Variants in SNED1 observed in about 807,000 individuals in gnomAD.
SNED1 encodes the protein sushi, nidogen and EGF-like domain-containing protein 1.
SNED1 carries 81 observed loss-of-function variants against 166.7 expected under a neutral mutation model. The observed-to-expected ratio is 0.49, with a 90% CI of 0.41 to 0.58. SNED1 has a LOEUF of 0.58. Among genes scored for constraint, SNED1 ranks in the 20% least tolerant of loss-of-function variants. The probability of loss-of-function intolerance (pLI) is 0.00; values close to 1 mark genes in which losing one functional copy is unlikely to be tolerated. For missense variants in SNED1, 1,604 were observed against 2,000.2 expected (o/e 0.80, Z 3.78); for synonymous variants, 762 against 822.0 (o/e 0.93, Z 1.25).
At chr2:241,037,832 G>A (rs1180218225) in intron 6 of SNED1, among the ~76,000 whole-genome samples, 2 of 152,228 alleles carry the variant, frequency 1.3e-5, no homozygotes, top group Admixed American at 1.3e-4. Context: ...GCTGCTCCTG[G>A]ACGCTGTTTC....
intron 2 of SNED1, 196 bp from the exon 3 acceptor site, chr2:241,033,539 G>A: frequency 1.7e-6 from 1 of 590,782 alleles, no homozygotes; most frequent in Non-Finnish European, 2.9e-6. Flanking sequence ...CCTCTGCTGA[G>A]TGGCAGGCGC....
At chr2:241,074,486 C>T (rs1203438021) in intron 27 of SNED1, 1 of 152,272 alleles carries the variant, frequency 6.6e-6, no homozygotes, top group East Asian at 1.9e-4. Flanking sequence ...ATTATGTCAG[C>T]CCCTTTAAAT....
At chr2:241,082,090 C>G (rs1184242214) in intron 28 of SNED1, among the ~76,000 whole-genome samples, 187 bp from the exon 29 acceptor site, 1 of 152,182 alleles carries the variant, frequency 6.6e-6, no homozygotes, top group Non-Finnish European at 1.5e-5. Context: ...TCTCCACCCC[C>G]ACAATACCAA....
intron 16 of SNED1, among the ~76,000 whole-genome samples, chr2:241,061,751 G>C (rs2062237567): frequency 1.3e-5 from 2 of 151,926 alleles, no homozygotes; most frequent in Non-Finnish European, 2.9e-5. Context: ...CGGGCATGGT[G>C]GTGGGCGCCT....
At chr2:241,004,723 T>G (rs2060172397) in intron 1 of SNED1, among the ~76,000 whole-genome samples, 1 of 149,490 alleles carries the variant, frequency 6.7e-6, no homozygotes, top group Non-Finnish European at 1.5e-5. Context: ...CTGTTAACTT[T>G]TTGTTTGTTT....
chr2:241,012,237 C>T (rs1051283648), intron 1 of SNED1, among the ~76,000 whole-genome samples: 56 of 152,346 alleles, frequency 3.7e-4, no homozygotes, highest in African/African-American at 1.3e-3. Flanking sequence ...AGATGCTTCT[C>T]CCCCAACCCA....
chr2:241,000,397 T>C (rs2060043606), intron 1 of SNED1, among the ~76,000 whole-genome samples: 2 of 152,274 alleles, frequency 1.3e-5, no homozygotes, highest in South Asian at 4.1e-4. Flanking sequence ...TGAAAGTCCC[T>C]CTGGACCGGG....
rs1321643275 is a variant in SNED1, at chr2:241,040,168, C to A, written c.1139C>A (p.Thr380Asn). Residue 380 changes from threonine (T) to asparagine (N), a missense_variant, in exon 7 of 32, where the codon ACC (threonine) becomes AAC (asparagine). This residue lies in a region of SNED1 where 1,237 missense variants were observed against 1,620.8 expected (regional missense o/e 0.76). Coordinates refer to ENST00000310397, the MANE Select transcript of SNED1 (RefSeq NM_001080437.3). ...GTGTGTGTGTGCCAGGCCGGATACA[C>A]CGGAGCAGCCTGCGAGATGGGTGAG... ...SAVCVCQAGYTGAACEMDVDD... is the reference protein window; with the variant it reads ...SAVCVCQAGYNGAACEMDVDD... 1 of 1,599,208 alleles carries A rather than the reference C, an allele frequency of 6.3e-7. No homozygotes were observed.
rs1465380206 is a variant in SNED1 at position 240,998,639 on chromosome 2, C to T, written c.-199C>T. On this transcript the variant is annotated 5_prime_UTR_variant, in exon 1 of 32. Coordinates refer to ENST00000310397, the MANE Select transcript of SNED1 (RefSeq NM_001080437.3). The stretch of plus-strand genomic sequence containing the variant: ...GGCTGGCCCCGAACGCGGTCCCGCC[C>T]GGCGCTTTCCTCTGCGGAGCTGCGG... Among the ~76,000 whole-genome samples, 1 of 151,550 alleles carries T rather than the reference C, an allele frequency of 6.6e-6. No homozygotes were observed. Among genetic ancestry groups the T allele is most frequent in the Non-Finnish European group, 1.5e-5 (1 of 67,856 alleles).
rs75234658 is a variant in SNED1, at chr2:241,004,485, T to G, written c.213+5435T>G. Among the ~76,000 whole-genome samples the G allele has an allele frequency of 0.031, 4,781 of 152,276 alleles. 506 individuals carry two copies. The East Asian group carries it at 0.32, about 10-fold the overall frequency. On this transcript the variant is annotated intron_variant, in intron 1 of 31. Transcript: ENST00000310397. ...CTTCTTTTGGATTTTTAAAAATAAT[T>G]TCATATTATCTATACTATTGGCTTA...
intron 27 of SNED1, among the ~76,000 whole-genome samples, chr2:241,077,986 GA>G (rs2063108780): frequency 6.6e-6 from 1 of 152,092 alleles, no homozygotes; most frequent in Admixed American, 6.6e-5. Flanking sequence ...ATATACCCAA[GA>G]GAAATGAAAA....
chr2:241,060,096 A>C (rs2062184239), intron 16 of SNED1, among the ~76,000 whole-genome samples: 1 of 152,252 alleles, frequency 6.6e-6, no homozygotes, highest in Admixed American at 6.5e-5. Context: ...CTTTGAAATG[A>C]AAGTGTTACA....
At chr2:241,076,972 C>T (rs528090418) in intron 27 of SNED1, among the ~76,000 whole-genome samples, 3 of 151,666 alleles carry the variant, frequency 2.0e-5, no homozygotes, top group African/African-American at 7.3e-5. Context: ...CCAGCTACTC[C>T]GGAGGCTGAG....
At chr2:241,036,990 TG>T (rs1251479339) in intron 5 of SNED1, 75 bp downstream of exon 5, 3 of 1,520,802 alleles carry the variant, frequency 2.0e-6, no homozygotes, top group East Asian at 4.9e-5. Context: ...GCTCCGCCAG[TG>T]GCCCTGGGCG....
chr2:241,017,265 A>T (rs1168402994), intron 1 of SNED1, among the ~76,000 whole-genome samples: 1 of 152,262 alleles, frequency 6.6e-6, no homozygotes, highest in Non-Finnish European at 1.5e-5. Context: ...AGAAAGCATG[A>T]GACTCTCATG....
At chr2:241,061,865 A>G (rs904089951) in intron 16 of SNED1, among the ~76,000 whole-genome samples, 1 of 151,912 alleles carries the variant, frequency 6.6e-6, no homozygotes, top group Non-Finnish European at 1.5e-5. Flanking sequence ...AAAAAAAAAA[A>G]AAGAAAAAAA....
At chr2:241,049,176 G>T in intron 11 of SNED1, 41 bp downstream of exon 11, 1 of 1,504,704 alleles carries the variant, frequency 6.6e-7, no homozygotes, top group South Asian at 1.2e-5. Flanking sequence ...CGGGGGCCCG[G>T]ACAGAAGCCA....
At position 241,081,660 on chromosome 2, in the gene SNED1, G is replaced by A. The variant is rs143648626; in HGVS notation, c.3917-17G>A. 2.0e-5 allele frequency: 31 copies of A among 1,566,688 alleles called. No individual in the cohort carries two copies. Among genetic ancestry groups the A allele is most frequent in the East Asian group, 7.0e-5 (3 of 42,808 alleles). On this transcript the variant is annotated splice_polypyrimidine_tract_variant and intron_variant, in intron 27 of 31. Coordinates refer to ENST00000310397, the MANE Select transcript of SNED1 (RefSeq NM_001080437.3). ...CTGGGGTTCCAGTGACTAACCTCTCGTGACCTCTGTTTCCAGACGTCCCTG... is the reference window on the plus strand; with the variant it reads ...CTGGGGTTCCAGTGACTAACCTCTCATGACCTCTGTTTCCAGACGTCCCTG...
rs573370671 is a variant in SNED1, at chr2:241,041,546, G to A, written c.1273+1133G>A. 2.6e-5 allele frequency among the ~76,000 whole-genome samples: 4 copies of A among 152,258 alleles called. No homozygotes were observed. The South Asian group carries it at 6.2e-4, about 24-fold the overall frequency. Reference sequence around the variant, plus strand: ...CCAAAAATACAAAAGTTAGCCAGACGTGGTGCTGCATGCCTGTAATCCCAG... The same window carrying A: ...CCAAAAATACAAAAGTTAGCCAGACATGGTGCTGCATGCCTGTAATCCCAG... On this transcript the variant is annotated intron_variant, in intron 8 of 31. Transcript: ENST00000310397.
Sources: gnomAD v4.1 joint callset for allele counts (sites outside exome capture counted in the v4.1 genomes callset) on GRCh38, gnomAD v4.1.1 for gene constraint, gnomAD v4.1.1 regional missense constraint, MANE v1.5 for transcripts, NCBI Gene and HGNC (gene_info 2026-07-23, HGNC 2026-07-21) for gene names.